The following NRXN1 variants were observed in gnomAD, a reference collection of about 807,000 sequenced individuals.
NRXN1 encodes neurexin 1, also known as neurexin-1.
Under a neutral mutation model 150.9 loss-of-function variants are expected in NRXN1, and 39 were observed. That is an observed-to-expected ratio of 0.26 (90% CI 0.20 to 0.34). The LOEUF (loss-of-function observed/expected upper bound fraction) is 0.34, where lower values mean the gene tolerates loss of function less well. Among genes scored for constraint, NRXN1 ranks in the 10% least tolerant of loss-of-function variants. The pLI is 1.00. For missense variants in NRXN1, 1,815 were observed against 1,949.9 expected (o/e 0.93, Z 1.30); for synonymous variants, 924 against 757.0 (o/e 1.22, Z -3.62).
chr2:50,498,004 AGAGAGTGAGCAC>A (rs2091739274), intron 13 of NRXN1, among the ~76,000 whole-genome samples: 2 of 152,160 alleles, frequency 1.3e-5, no homozygotes, highest in African/African-American at 4.8e-5. Context: ...CAAATTAGCA[AGAGAGTGAGCAC>A]ATAGTAAAAG....
chr2:50,819,443 A>C (rs2105814894), intron 5 of NRXN1, among the ~76,000 whole-genome samples: 1 of 152,284 alleles, frequency 6.6e-6, no homozygotes, highest in South Asian at 2.1e-4. Context: ...CAAACATTGC[A>C]TGATTCCACT....
intron 5 of NRXN1, among the ~76,000 whole-genome samples, chr2:50,713,771 C>A (rs952043320): frequency 1.3e-5 from 2 of 152,072 alleles, no homozygotes; most frequent in African/African-American, 2.4e-5. Flanking sequence ...AATTTAAAGA[C>A]CTGTTGGTCT....
At chr2:50,928,899 C>A (rs749317122) in intron 2 of NRXN1, among the ~76,000 whole-genome samples, 1 of 151,964 alleles carries the variant, frequency 6.6e-6, no homozygotes, top group Non-Finnish European at 1.5e-5. Flanking sequence ...GATGACCACG[C>A]CACCTATAAA....
intron 5 of NRXN1, among the ~76,000 whole-genome samples, chr2:50,688,787 T>G (rs1691632626): frequency 6.6e-6 from 1 of 152,164 alleles, no homozygotes; most frequent in Admixed American, 6.5e-5. Context: ...TGAAATCCAG[T>G]AGAAGAATAC....
At chr2:50,229,820 G>A (rs1453666365) in intron 18 of NRXN1, among the ~76,000 whole-genome samples, 1 of 151,986 alleles carries the variant, frequency 6.6e-6, no homozygotes, top group African/African-American at 2.4e-5. Context: ...GTACGCTTTT[G>A]AAAAATAGTT....
chr2:50,912,717 T>C (rs1231028254), intron 5 of NRXN1, among the ~76,000 whole-genome samples: 2 of 150,144 alleles, frequency 1.3e-5, no homozygotes, highest in African/African-American at 4.9e-5. Context: ...GATTAAAGAA[T>C]GGTTCTCCTA....
intron 22 of NRXN1, among the ~76,000 whole-genome samples, chr2:49,939,843 G>C (rs796628314): frequency 2.1e-4 from 32 of 152,254 alleles, no homozygotes; most frequent in African/African-American, 7.2e-4. Context: ...CCAGAGCTTA[G>C]CAGAGCAGTA....
chr2:50,423,735 C>T (rs1336438904), intron 17 of NRXN1, among the ~76,000 whole-genome samples: 5 of 151,730 alleles, frequency 3.3e-5, no homozygotes, highest in Admixed American at 2.0e-4. Flanking sequence ...CATGATAAAG[C>T]ATCAGATAGT....
intron 17 of NRXN1, among the ~76,000 whole-genome samples, chr2:50,393,845 C>G (rs892548237): frequency 6.6e-6 from 1 of 152,032 alleles, no homozygotes; most frequent in Non-Finnish European, 1.5e-5. Context: ...AGAAAAATCA[C>G]AGGCAGCAAA....
At chr2:50,202,578 G>C (rs971384741) in intron 18 of NRXN1, among the ~76,000 whole-genome samples, 3 of 152,074 alleles carry the variant, frequency 2.0e-5, no homozygotes, top group African/African-American at 7.2e-5. Context: ...AGTTTTGAGA[G>C]GCAAGAAAAG....
chr2:50,829,731 G>C (rs938703024), intron 5 of NRXN1: 4 of 1,588,936 alleles, frequency 2.5e-6, no homozygotes, highest in African/African-American at 2.7e-5. Context: ...ACGGTTGGCA[G>C]CGCCCAAGGT....
chr2:50,387,527 A>G (rs994978219), intron 17 of NRXN1, among the ~76,000 whole-genome samples: 3 of 152,174 alleles, frequency 2.0e-5, no homozygotes, highest in Non-Finnish European at 2.9e-5. Flanking sequence ...TTAAAAATAT[A>G]TAACTGTTTT....
At chr2:50,079,139 A>T (rs1366817858) in intron 19 of NRXN1, among the ~76,000 whole-genome samples, 1 of 151,820 alleles carries the variant, frequency 6.6e-6, no homozygotes, top group African/African-American at 2.4e-5. Context: ...GGGTTCATAG[A>T]TGTTTATTTT....
chr2:50,895,805 C>A (rs560104639), intron 5 of NRXN1, among the ~76,000 whole-genome samples: 5 of 152,056 alleles, frequency 3.3e-5, no homozygotes, highest in African/African-American at 1.2e-4. Context: ...GTCCCAAACT[C>A]CTGATCTCAA....
chr2:50,494,578 C>CA (rs2104892282), intron 15 of NRXN1, among the ~76,000 whole-genome samples: 1 of 152,254 alleles, frequency 6.6e-6, no homozygotes, highest in African/African-American at 2.4e-5. Flanking sequence ...TTGAAGTTAG[C>CA]AAGAAGCCCA....
intron 13 of NRXN1, among the ~76,000 whole-genome samples, chr2:50,502,623 T>G (rs2092007945): frequency 1.3e-5 from 2 of 152,174 alleles, no homozygotes; most frequent in African/African-American, 4.8e-5. Flanking sequence ...ATGACATTAC[T>G]GGGAGCCAGG....
rs1307014980 is a variant in NRXN1, at chr2:50,621,069, G to A, written c.1158+157C>T. The A allele has an allele frequency of 5.1e-6, 3 of 582,886 alleles. No homozygotes were observed. In the Admixed American group the frequency reaches 1.0e-4, roughly 20 times the overall value. The allele number at this position is 582,886 out of a possible 1,614,324, so 36.1% of individuals were successfully genotyped here. On this transcript the variant is annotated intron_variant, in intron 7 of 22. Transcript: ENST00000401669. ...GTAAAAAATAAGAAGGTCAACAACA[G>A]ATGAAAAGAAGGAGGTCAAAGTAAG... is the stretch of plus-strand genomic sequence containing the variant.
chr2:50,456,608 T>G (rs962389650), intron 17 of NRXN1, among the ~76,000 whole-genome samples: 2 of 152,152 alleles, frequency 1.3e-5, no homozygotes, highest in Non-Finnish European at 2.9e-5. Flanking sequence ...ATATTTTTTT[T>G]CCTTATGACT....
At position 50,459,988 on chromosome 2, in the gene NRXN1, G is replaced by GA. The variant is rs1294707591; in HGVS notation, c.3364+5453dup. On this transcript the variant is annotated intron_variant, in intron 17 of 22. Coordinates refer to ENST00000401669, the MANE Select transcript of NRXN1 (RefSeq NM_001330078.2). ...CACGGATATATAATGCATTCGCATG[G>GA]AAAAAAAACATTCAGATGAGGCTAT... 6.6e-5 allele frequency among the ~76,000 whole-genome samples: 10 copies of GA among 151,778 alleles called. No individual in the cohort carries two copies. The South Asian group carries it at 8.3e-4, about 13-fold the overall frequency.
Sources: gnomAD v4.1 joint callset for allele counts (sites outside exome capture counted in the v4.1 genomes callset) on GRCh38, gnomAD v4.1.1 for gene constraint, MANE v1.5 for transcripts, NCBI Gene and HGNC (gene_info 2026-07-23, HGNC 2026-07-21) for gene names.